ATRN: variants seen among roughly 807,000 people sequenced by gnomAD.
ATRN encodes the protein attractin-2.
ATRN carries 54 observed loss-of-function variants against 178.7 expected under a neutral mutation model. That is an observed-to-expected ratio of 0.30 (90% CI 0.24 to 0.38). The LOEUF (loss-of-function observed/expected upper bound fraction) is 0.38. Among genes scored for constraint, ATRN ranks in the 10% least tolerant of loss-of-function variants. ATRN has a pLI of 1.00. For missense variants in ATRN, 1,443 were observed against 1,815.1 expected (o/e 0.79, Z 3.73); for synonymous variants, 636 against 663.0 (o/e 0.96, Z 0.63).
rs6139142 is a variant in ATRN, at chr20:3,502,700, G to C, written c.410+31183G>C. 3.3e-5 allele frequency among the ~76,000 whole-genome samples: 5 copies of C among 152,336 alleles called. No individual in the cohort carries two copies. In the East Asian group the frequency reaches 9.7e-4, roughly 29 times the overall value. On this transcript the variant is annotated intron_variant, in intron 1 of 28. Coordinates refer to ENST00000262919, the MANE Select transcript of ATRN (RefSeq NM_139321.3). ...CCTTTTCCACTGAGGCAGGTTGGCA[G>C]AACTGGTAAGAGAGACCCAACTATA... is the stretch of plus-strand genomic sequence containing the variant.
At chr20:3,569,075 T>C (rs750311873) in intron 11 of ATRN, among the ~76,000 whole-genome samples, 2 of 152,244 alleles carry the variant, frequency 1.3e-5, no homozygotes, top group Non-Finnish European at 2.9e-5. Context: ...ACACACATGC[T>C]GGTAAATGAC....
At chr20:3,541,179 G>A (rs984786791) in intron 3 of ATRN, among the ~76,000 whole-genome samples, 53 of 150,042 alleles carry the variant, frequency 3.5e-4, no homozygotes, top group African/African-American at 9.3e-4. Flanking sequence ...CCGGGTTCAC[G>A]CCATTCTCCT....
rs1600103318 is a variant in ATRN at position 3,556,063 on chromosome 20, A to C, written c.1113-3330A>C. 2.6e-5 allele frequency among the ~76,000 whole-genome samples: 4 copies of C among 152,362 alleles called. No individual in the cohort carries two copies. In the South Asian group the frequency reaches 8.3e-4, roughly 32 times the overall value. On this transcript the variant is annotated intron_variant, in intron 6 of 28. Coordinates refer to ENST00000262919, the MANE Select transcript of ATRN (RefSeq NM_139321.3). ...TTGTAGGCCTAAAGAAATACGAATAAATTAGATACAGCAAAAATTAGAATG... is the reference window on the plus strand; with the variant it reads ...TTGTAGGCCTAAAGAAATACGAATACATTAGATACAGCAAAAATTAGAATG...
At position 3,638,957 on chromosome 20, in the gene ATRN, C is replaced by T; in HGVS notation, c.4050+22C>T. ...AAAGGTGAGAATGTGACTCAGAAGT[C>T]CCTATAACTTGACTTTTTAAAACTT... On this transcript the variant is annotated intron_variant, in intron 27 of 28. Transcript: ENST00000262919. This position sits in a 1 kb window ranked among gnomAD's most constrained non-coding sequence, Gnocchi z 4.5. 6.3e-7 allele frequency: 1 copy of T among 1,592,830 alleles called. No individual in the cohort carries two copies. Among genetic ancestry groups the T allele is most frequent in the Non-Finnish European group, 8.6e-7 (1 of 1,166,002 alleles).
intron 24 of ATRN, among the ~76,000 whole-genome samples, chr20:3,605,087 G>T (rs1178838016): frequency 6.6e-6 from 1 of 152,004 alleles, no homozygotes; most frequent in East Asian, 1.9e-4. Context: ...GACGGAGGCT[G>T]TTGCTGTTTG....
chr20:3,522,355 A>G (rs1424881376), intron 1 of ATRN, among the ~76,000 whole-genome samples: 1 of 152,158 alleles, frequency 6.6e-6, no homozygotes, highest in Admixed American at 6.5e-5. Flanking sequence ...TAGCCAGACT[A>G]CCTCTCTAGA....
At chr20:3,500,333 G>C (rs1348657323) in intron 1 of ATRN, among the ~76,000 whole-genome samples, 1 of 152,000 alleles carries the variant, frequency 6.6e-6, no homozygotes, top group Admixed American at 6.6e-5. Context: ...CCCATTACTG[G>C]GTATATACCC....
At chr20:3,624,471 C>G (rs756622516) in intron 24 of ATRN, 40 bp from the exon 25 acceptor site, 20 of 1,530,788 alleles carry the variant, frequency 1.3e-5, no homozygotes, top group Non-Finnish European at 1.7e-5. Context: ...GTGGTGGTTT[C>G]ATGACCTGCA....
chr20:3,518,356 C>T (rs2085235094), intron 1 of ATRN, among the ~76,000 whole-genome samples: 1 of 152,154 alleles, frequency 6.6e-6, no homozygotes, highest in Admixed American at 6.5e-5. Context: ...AGGGACAAGT[C>T]CCGGCCCAAC....
intron 1 of ATRN, among the ~76,000 whole-genome samples, chr20:3,493,024 T>C (rs2084826801): frequency 6.8e-6 from 1 of 146,942 alleles, no homozygotes; most frequent in African/African-American, 2.5e-5. Context: ...GTATATTATC[T>C]ATAATTATAT....
chr20:3,526,997 TAC>T, intron 1 of ATRN, among the ~76,000 whole-genome samples: 1 of 152,210 alleles, frequency 6.6e-6, no homozygotes, highest in African/African-American at 2.4e-5. Context: ...ACCTAGGCAA[TAC>T]CATTCAGGAG....
Position 3,527,376 on chromosome 20 carries a change from A to G in ATRN, c.411-7877A>G, listed in dbSNP as rs181130608. ...ATGCAAGTCAAAACCACAATGAGAT[A>G]CCATCTCCCACCAGTTAGAACGGTG... On this transcript the variant is annotated intron_variant, in intron 1 of 28. Coordinates refer to ENST00000262919, the MANE Select transcript of ATRN (RefSeq NM_139321.3). Among the ~76,000 whole-genome samples the G allele has an allele frequency of 1.3e-4, 20 of 150,054 alleles. No homozygotes were observed. The East Asian group carries it at 3.3e-3, about 25-fold the overall frequency.
At position 3,560,093 on chromosome 20, in the gene ATRN, G is replaced by A. The variant is rs182373876; in HGVS notation, c.1204-569G>A. 2.6e-5 allele frequency among the ~76,000 whole-genome samples: 4 copies of A among 151,704 alleles called. No homozygotes were observed. The East Asian group carries it at 7.7e-4, about 29-fold the overall frequency. On this transcript the variant is annotated intron_variant, in intron 7 of 28. Transcript: ENST00000262919. ...ATGGTACCATCTTTACCATTTTTAAGTGTACAGTTTGGTGGTAATAAATAT... is the reference window on the plus strand; with the variant it reads ...ATGGTACCATCTTTACCATTTTTAAATGTACAGTTTGGTGGTAATAAATAT...
intron 1 of ATRN, among the ~76,000 whole-genome samples, chr20:3,532,558 A>T (rs920307885): frequency 3.3e-5 from 5 of 152,166 alleles, no homozygotes; most frequent in Admixed American, 1.3e-4. Context: ...TGTTTATCAT[A>T]GGTTGTTTTT....
intron 6 of ATRN, among the ~76,000 whole-genome samples, chr20:3,555,283 G>A (rs965181575): frequency 2.0e-4 from 31 of 152,100 alleles, no homozygotes; most frequent in Non-Finnish European, 2.8e-4. Context: ...GATTACAGGC[G>A]TGAGCCACCG....
intron 6 of ATRN, among the ~76,000 whole-genome samples, chr20:3,550,003 A>G (rs1394796344): frequency 6.6e-6 from 1 of 152,164 alleles, no homozygotes; most frequent in Non-Finnish European, 1.5e-5. Context: ...TAGTCTAGCA[A>G]AATCAGAGAA....
At chr20:3,550,572 C>T (rs1434095060) in intron 6 of ATRN, among the ~76,000 whole-genome samples, 1 of 152,200 alleles carries the variant, frequency 6.6e-6, no homozygotes, top group African/African-American at 2.4e-5. Context: ...TTTCCCCATA[C>T]ATAGATTCAA....
chr20:3,513,579 C>T (rs1336235237), intron 1 of ATRN, among the ~76,000 whole-genome samples: 2 of 152,164 alleles, frequency 1.3e-5, no homozygotes, highest in African/African-American at 4.8e-5. Context: ...TTAGGATTGA[C>T]TTGGCGATGT....
intron 18 of ATRN, among the ~76,000 whole-genome samples, chr20:3,587,408 A>G (rs538840381): frequency 6.6e-6 from 1 of 151,730 alleles, no homozygotes; most frequent in South Asian, 2.1e-4. Context: ...ATTTTTGTGT[A>G]TGGTGTGAGG....
Sources: allele counts gnomAD v4.1 joint callset (sites outside exome capture counted in the v4.1 genomes callset), GRCh38; gene constraint gnomAD v4.1.1; non-coding constraint Gnocchi (gnomAD v3.1); transcripts MANE v1.5; gene names NCBI Gene and HGNC (gene_info 2026-07-23, HGNC 2026-07-21).